PDE2A: variants seen among roughly 807,000 people sequenced by gnomAD.
PDE2A encodes the protein phosphodiesterase 2A, also known as cGMP-dependent 3',5'-cyclic phosphodiesterase.
A neutral mutation model predicts 133.6 loss-of-function variants in PDE2A; 53 were observed. The ratio of observed to expected loss-of-function variants is 0.40; its 90% CI spans 0.32 to 0.50. The LOEUF is 0.50. Among genes scored for constraint, PDE2A ranks in the 20% least tolerant of loss-of-function variants. The probability of loss-of-function intolerance (pLI) is 0.73; values close to 1 mark genes in which losing one functional copy is unlikely to be tolerated. For synonymous variants in PDE2A, 491 were observed against 490.2 expected (o/e 1.00, Z -0.02); for missense variants, 796 against 1,232.4 (o/e 0.65, Z 5.30).
rs780508615 is a variant in PDE2A, at chr11:72,584,895, C to T, written c.1336G>A (p.Asp446Asn). Reference protein sequence around the residue: ...DQNELVAKVFDGGVVDDESYE... With the variant: ...DQNELVAKVFNGGVVDDESYE... ...ACCTCATCATCCACCACGCCCCCGT[C>T]GAACACCTTGGCCACCAGCTCATTC... Residue 446 changes from aspartate to asparagine, a missense_variant, in exon 17 of 31, where the codon GAC (aspartate) becomes AAC (asparagine). Asp to Asn is a conservative substitution (Grantham distance 23). Transcript: ENST00000334456. 9.9e-6 allele frequency: 16 copies of T among 1,614,112 alleles called. No individual in the cohort carries two copies. The highest frequency in any genetic ancestry group is 8.5e-6 in the Non-Finnish European group (10 of 1,180,042).
At chr11:72,583,719 C>T (rs1855826859) in intron 19 of PDE2A, among the ~76,000 whole-genome samples, 1 of 152,094 alleles carries the variant, frequency 6.6e-6, no homozygotes, top group Non-Finnish European at 1.5e-5. Flanking sequence ...TCATCAAGTT[C>T]TCCCAGCATT....
intron 2 of PDE2A, among the ~76,000 whole-genome samples, chr11:72,617,304 T>A (rs761345883): frequency 2.0e-5 from 3 of 151,942 alleles, no homozygotes; most frequent in Non-Finnish European, 2.9e-5. Flanking sequence ...CAGCCTGGGG[T>A]AGGGCTGGTG....
chr11:72,594,419 G>A (rs1393290596), intron 6 of PDE2A, among the ~76,000 whole-genome samples: 1 of 152,184 alleles, frequency 6.6e-6, no homozygotes, highest in Non-Finnish European at 1.5e-5. Flanking sequence ...TGTGAGCCAG[G>A]GTGCATCTGT....
chr11:72,583,824 T>G (rs913326989), intron 19 of PDE2A, among the ~76,000 whole-genome samples: 1 of 152,156 alleles, frequency 6.6e-6, no homozygotes, highest in African/African-American at 2.4e-5. Context: ...GAGGGGATCA[T>G]GTCAGGGACC....
intron 14 of PDE2A, 66 bp from the exon 15 acceptor site, chr11:72,585,659 G>A: frequency 7.3e-7 from 1 of 1,372,350 alleles, no homozygotes; most frequent in Non-Finnish European, 1.0e-6. Context: ...CCAACCTCCT[G>A]CCTCCAACAG....
At chr11:72,653,865 T>A (rs1450573515) in intron 1 of PDE2A, among the ~76,000 whole-genome samples, 1 of 152,228 alleles carries the variant, frequency 6.6e-6, no homozygotes, top group Non-Finnish European at 1.5e-5. Flanking sequence ...AGGTCACATG[T>A]GTCTCTTACC....
intron 2 of PDE2A, among the ~76,000 whole-genome samples, chr11:72,618,424 CA>C (rs1194141428): frequency 1.3e-5 from 2 of 152,216 alleles, no homozygotes; most frequent in African/African-American, 4.8e-5. Flanking sequence ...CTGGGACTCT[CA>C]TCCTTCTCCC....
intron 2 of PDE2A, among the ~76,000 whole-genome samples, chr11:72,639,420 G>A (rs1283407492): frequency 6.6e-6 from 1 of 152,190 alleles, no homozygotes; most frequent in African/African-American, 2.4e-5. Flanking sequence ...CCGCTGACAT[G>A]AGCCAGGAAG....
chr11:72,579,631 G>T (rs1345069900), intron 25 of PDE2A, 23 bp from the exon 26 acceptor site: 9 of 1,561,898 alleles, frequency 5.8e-6, no homozygotes, highest in Non-Finnish European at 7.9e-6. Flanking sequence ...GAGTGATGGG[G>T]GCCCAGCTGG....
intron 2 of PDE2A, among the ~76,000 whole-genome samples, chr11:72,640,632 C>T (rs1190610722): frequency 6.6e-6 from 1 of 152,172 alleles, no homozygotes; most frequent in Non-Finnish European, 1.5e-5. Context: ...GCTGCAAACA[C>T]ATTGGCACAC....
intron 14 of PDE2A, 135 bp downstream of exon 14, chr11:72,585,935 T>C (rs1409282028): frequency 4.5e-6 from 3 of 666,002 alleles, no homozygotes; most frequent in Non-Finnish European, 5.5e-6. Context: ...GCCTTCAAGT[T>C]ATGAGGTTAT....
chr11:72,632,145 G>C (rs564712013), intron 2 of PDE2A, among the ~76,000 whole-genome samples: 1 of 152,280 alleles, frequency 6.6e-6, no homozygotes, highest in Non-Finnish European at 1.5e-5. Flanking sequence ...GCATGGAGGA[G>C]GTTCTGGGTT....
rs1855852017 is a variant in PDE2A, at chr11:72,584,182, C to T, written c.1650+19G>A. 7.5e-7 allele frequency: 1 copy of T among 1,328,804 alleles called. No homozygotes were observed. The highest frequency in any genetic ancestry group is 1.1e-6 in the Non-Finnish European group (1 of 927,366). 82.3% of individuals were successfully genotyped at this position (1,328,804 alleles called of 1,614,324 possible). ...CCGCCCCCTATCACCCCACACCCCA[C>T]TCCCAACCCCGCCCTCACATGGGCG... On this transcript the variant is annotated intron_variant, in intron 19 of 30. Transcript: ENST00000334456.
chr11:72,639,656 C>T (rs1858866801), intron 2 of PDE2A, among the ~76,000 whole-genome samples: 1 of 152,214 alleles, frequency 6.6e-6, no homozygotes. Flanking sequence ...AAACACCAGT[C>T]AAACTAAGAG....
At chr11:72,636,333 A>G (rs978382146) in intron 2 of PDE2A, among the ~76,000 whole-genome samples, 2 of 151,706 alleles carry the variant, frequency 1.3e-5, no homozygotes, top group Non-Finnish European at 2.9e-5. Context: ...ATTTTTACTC[A>G]TTTTGGAATG....
chr11:72,626,915 CTCTA>C (rs1210154725), intron 2 of PDE2A, among the ~76,000 whole-genome samples: 1 of 152,202 alleles, frequency 6.6e-6, no homozygotes, highest in Admixed American at 6.5e-5. Flanking sequence ...CTCCAGCCTC[CTCTA>C]TCTGCTTTTT....
chr11:72,616,948 C>T (rs1255251506), intron 2 of PDE2A, among the ~76,000 whole-genome samples: 1 of 152,214 alleles, frequency 6.6e-6, no homozygotes, highest in Admixed American at 6.5e-5. Context: ...TCATGTAGTC[C>T]AATCCCAAGC....
At chr11:72,595,526 CT>C (rs537207452) in intron 6 of PDE2A, among the ~76,000 whole-genome samples, 1 of 152,050 alleles carries the variant, frequency 6.6e-6, no homozygotes, top group Non-Finnish European at 1.5e-5. Flanking sequence ...CCCCTCCCCC[CT>C]CTCCTCCCCT....
At chr11:72,670,292 T>A (rs1855356186) in intron 1 of PDE2A, among the ~76,000 whole-genome samples, 1 of 152,206 alleles carries the variant, frequency 6.6e-6, no homozygotes, top group Non-Finnish European at 1.5e-5. Context: ...GGTCACTGGC[T>A]CTGTCCATCT....
Sources: allele counts gnomAD v4.1 joint callset (sites outside exome capture counted in the v4.1 genomes callset), GRCh38; gene constraint gnomAD v4.1.1; transcripts MANE v1.5; gene names NCBI Gene and HGNC (gene_info 2026-07-23, HGNC 2026-07-21).